The following EXOC2 variants were observed in gnomAD, a reference collection of about 807,000 sequenced individuals.
EXOC2 encodes the protein exocyst complex component 2.
EXOC2 carries 70 observed loss-of-function variants against 131.8 expected under a neutral mutation model. That is an observed-to-expected ratio of 0.53 (90% CI 0.44 to 0.65). The LOEUF (loss-of-function observed/expected upper bound fraction) is 0.65, where lower values mean the gene tolerates loss of function less well. EXOC2 is among the 30% of genes least tolerant of loss of function. The pLI, the probability that EXOC2 is intolerant of heterozygous loss-of-function variation, is 0.00. For synonymous variants in EXOC2, 411 were observed against 398.4 expected, an observed-to-expected ratio of 1.03 and a Z score of -0.38; for missense variants, 923 against 1,108.6, an observed-to-expected ratio of 0.83 and a Z score of 2.38.
intron 1 of EXOC2, among the ~76,000 whole-genome samples, chr6:687,216 A>G (rs1054194978): frequency 6.2e-5 from 7 of 112,824 alleles, no homozygotes; most frequent in Non-Finnish European, 8.2e-5. Flanking sequence ...TCACTCAGTC[A>G]CCCAGGCTGC....
At chr6:601,210 CCA>C (rs1177485498) in intron 7 of EXOC2, among the ~76,000 whole-genome samples, 1 of 149,006 alleles carries the variant, frequency 6.7e-6, no homozygotes. Context: ...TTGTGCGAAT[CCA>C]CACACATTCT....
At chr6:616,699 T>C (rs1761031192) in intron 6 of EXOC2, among the ~76,000 whole-genome samples, 1 of 151,206 alleles carries the variant, frequency 6.6e-6, no homozygotes, top group Admixed American at 6.6e-5. Flanking sequence ...TGGAGGTCAA[T>C]TAAGTATATA....
chr6:610,278 TA>T (rs1760649002), intron 6 of EXOC2, 100 bp from the exon 7 acceptor site: 1 of 1,032,226 alleles, frequency 9.7e-7, no homozygotes, highest in Non-Finnish European at 1.5e-6. Flanking sequence ...ATGGTCATAT[TA>T]TTTTCACTGC....
intron 23 of EXOC2, among the ~76,000 whole-genome samples, chr6:520,961 G>C (rs1337736090): frequency 1.3e-5 from 2 of 148,712 alleles, no homozygotes; most frequent in Admixed American, 6.7e-5. Context: ...CACACTCGGA[G>C]ATGAAAACAA....
intron 1 of EXOC2, among the ~76,000 whole-genome samples, chr6:679,810 A>G (rs1764318310): frequency 1.3e-5 from 2 of 152,384 alleles, no homozygotes; most frequent in Admixed American, 1.3e-4. Flanking sequence ...TTAGCGAAAT[A>G]GAAAGACATA....
intron 1 of EXOC2, chr6:656,982 G>C (rs749051985): frequency 4.8e-6 from 7 of 1,470,138 alleles, no homozygotes; most frequent in Non-Finnish European, 6.4e-6. Context: ...CTCTGAGGGG[G>C]ATTCCGCGTG....
chr6:553,809 AC>A, intron 21 of EXOC2, 44 bp downstream of exon 21: 2 of 1,525,470 alleles, frequency 1.3e-6, no homozygotes, highest in Non-Finnish European at 1.8e-6. Flanking sequence ...AATTGTTGTT[AC>A]ACAGTTTTAA....
intron 4 of EXOC2, among the ~76,000 whole-genome samples, chr6:620,774 A>T (rs1301347509): frequency 3.3e-5 from 5 of 152,286 alleles, no homozygotes; most frequent in Admixed American, 6.5e-5. Flanking sequence ...TCAATAGTTA[A>T]TAGGCTGCTT....
At chr6:528,176 G>A (rs561630235) in intron 23 of EXOC2, among the ~76,000 whole-genome samples, 2 of 151,662 alleles carry the variant, frequency 1.3e-5, no homozygotes, top group East Asian at 1.9e-4. Context: ...CGGCTTTAAC[G>A]GATATCTCTT....
chr6:556,442 C>T, intron 18 of EXOC2, 42 bp downstream of exon 18: 2 of 1,589,678 alleles, frequency 1.3e-6, no homozygotes, highest in Non-Finnish European at 1.7e-6. Flanking sequence ...ATTCCCAAGG[C>T]TCCCTGGGAA....
At chr6:678,299 G>A (rs1186937724) in intron 1 of EXOC2, among the ~76,000 whole-genome samples, 2 of 152,156 alleles carry the variant, frequency 1.3e-5, no homozygotes, top group African/African-American at 4.8e-5. Flanking sequence ...ATTTCTATCA[G>A]TTTTCTCATC....
chr6:629,469 T>G (rs2127700764), intron 4 of EXOC2, among the ~76,000 whole-genome samples: 1 of 152,226 alleles, frequency 6.6e-6, no homozygotes, highest in East Asian at 1.9e-4. Flanking sequence ...GACCTGGCTA[T>G]TCTAAAATAC....
In EXOC2 at chr6:598,060, T is replaced by C; in HGVS notation, c.1034A>G (p.Glu345Gly). 6.2e-7 allele frequency: 1 copy of C among 1,613,972 alleles called. No individual in the cohort carries two copies. Among genetic ancestry groups the C allele is most frequent in the South Asian group, 1.1e-5 (1 of 91,020 alleles). Residue 345 changes from glutamate to glycine, a missense_variant, in exon 10 of 28, where the codon GAG (glutamate) becomes GGG (glycine). Coordinates refer to ENST00000230449, the MANE Select transcript of EXOC2 (RefSeq NM_018303.6). ...TTGGTCATGTAAAGTTGATGGTGTC[T>C]CAAGCAATTTATCCAGAAGTAATTC... ...LRELLLDKLL[E>G]TPSTLHDQKR...
rs377663752 is a variant in EXOC2, at chr6:564,066, A to T, written c.1756T>A (p.Cys586Ser). The T allele has an allele frequency of 1.2e-6, 2 of 1,614,146 alleles. No homozygotes were observed. The highest frequency in any genetic ancestry group is 1.1e-5 in the South Asian group (1 of 91,078). ...QDLILDLRVR[C>S]VMATLQHTAE... is the part of the protein sequence containing the mutation. Reference sequence around the variant, plus strand: ...GTGTGCTGCAACGTGGCCATTACGCAACGTACTCGGAGATCCAAGATGAGA... The same window carrying T: ...GTGTGCTGCAACGTGGCCATTACGCTACGTACTCGGAGATCCAAGATGAGA... Residue 586 changes from cysteine (C) to serine (S), a missense_variant, in exon 16 of 28, where the codon TGC becomes AGC. Coordinates refer to ENST00000230449, the MANE Select transcript of EXOC2 (RefSeq NM_018303.6).
At chr6:603,000 T>C (rs1760187032) in intron 7 of EXOC2, among the ~76,000 whole-genome samples, 1 of 152,244 alleles carries the variant, frequency 6.6e-6, no homozygotes, top group Non-Finnish European at 1.5e-5. Flanking sequence ...TGGTGTCTTA[T>C]AATTTCAACC....
At chr6:525,880 T>C (rs941569117) in intron 23 of EXOC2, among the ~76,000 whole-genome samples, 3 of 152,196 alleles carry the variant, frequency 2.0e-5, no homozygotes, top group African/African-American at 7.2e-5. Context: ...CCCCCACATA[T>C]AGGTATGCAT....
At chr6:499,478 CAGAG>C (rs1289841741) in intron 24 of EXOC2, among the ~76,000 whole-genome samples, 163 bp downstream of exon 24, 1 of 144,744 alleles carries the variant, frequency 6.9e-6, no homozygotes, top group Admixed American at 6.9e-5. Context: ...CACACAGAGA[CAGAG>C]AGAGACAGAC....
chr6:590,933 C>G (rs1417399767), intron 11 of EXOC2, among the ~76,000 whole-genome samples: 1 of 152,200 alleles, frequency 6.6e-6, no homozygotes, highest in Non-Finnish European at 1.5e-5. Context: ...CCAAGTCAAG[C>G]TGTCCAAACA....
At chr6:497,299 G>A (rs1472840864) in intron 25 of EXOC2, 68 bp downstream of exon 25, 16 of 1,464,028 alleles carry the variant, frequency 1.1e-5, no homozygotes, top group Non-Finnish European at 1.4e-5. Flanking sequence ...TAAGATTGAT[G>A]ACTAAAAACA....
Sources: allele counts gnomAD v4.1 joint callset (sites outside exome capture counted in the v4.1 genomes callset), GRCh38; gene constraint gnomAD v4.1.1; transcripts MANE v1.5; gene names NCBI Gene and HGNC (gene_info 2026-07-23, HGNC 2026-07-21).